SYT14: variants seen among roughly 807,000 people sequenced by gnomAD.
SYT14 encodes the protein synaptotagmin 14.
Under a neutral mutation model 74.2 loss-of-function variants are expected in SYT14, and 32 were observed. The ratio of observed to expected loss-of-function variants is 0.43; its 90% CI spans 0.33 to 0.58. SYT14 has a LOEUF of 0.58. Among genes scored for constraint, SYT14 ranks in the 20% least tolerant of loss-of-function variants. The pLI, the probability that SYT14 is intolerant of heterozygous loss-of-function variation, is 0.05. For missense variants in SYT14, 791 were observed against 981.8 expected (o/e 0.81, Z 2.60); for synonymous variants, 298 against 337.7 (o/e 0.88, Z 1.29).
chr1:210,086,253 G>T (rs1033058455), intron 5 of SYT14, among the ~76,000 whole-genome samples: 18 of 152,140 alleles, frequency 1.2e-4, no homozygotes, highest in Middle Eastern at 3.4e-3. Context: ...TATCTACCAG[G>T]TTTCTCCACT....
intron 5 of SYT14, among the ~76,000 whole-genome samples, chr1:210,055,872 T>A (rs1379482478): frequency 6.6e-6 from 1 of 152,160 alleles, no homozygotes; most frequent in African/African-American, 2.4e-5. Flanking sequence ...AAGTGAGTTC[T>A]CAGTTACCAT....
chr1:210,070,803 T>C (rs1379785019), intron 5 of SYT14, among the ~76,000 whole-genome samples: 1 of 152,076 alleles, frequency 6.6e-6, no homozygotes, highest in Non-Finnish European at 1.5e-5. Flanking sequence ...CAAACCACTC[T>C]TAACAGAACA....
At chr1:209,999,165 C>T (rs1000096424) in intron 2 of SYT14, among the ~76,000 whole-genome samples, 1 of 151,988 alleles carries the variant, frequency 6.6e-6, no homozygotes, top group African/African-American at 2.4e-5. Flanking sequence ...TTTCATATCA[C>T]TGATCATCAG....
At chr1:210,145,173 T>C (rs1407474261) in intron 7 of SYT14, among the ~76,000 whole-genome samples, 1 of 152,196 alleles carries the variant, frequency 6.6e-6, no homozygotes, top group Non-Finnish European at 1.5e-5. Flanking sequence ...TAAGTCTATG[T>C]TTTGCTACAG....
chr1:210,132,855 T>C (rs1449932895), intron 7 of SYT14, among the ~76,000 whole-genome samples: 2 of 152,138 alleles, frequency 1.3e-5, no homozygotes, highest in African/African-American at 2.4e-5. Context: ...ATCCGACCAT[T>C]GTGAATCTTC....
At chr1:210,074,675 G>A (rs1204751564) in intron 5 of SYT14, among the ~76,000 whole-genome samples, 1 of 152,136 alleles carries the variant, frequency 6.6e-6, no homozygotes, top group Non-Finnish European at 1.5e-5. Flanking sequence ...CTCCATAATA[G>A]TGAAATGGGA....
At chr1:210,095,434 TG>T (rs1285050462) in intron 6 of SYT14, among the ~76,000 whole-genome samples, 1 of 152,188 alleles carries the variant, frequency 6.6e-6, no homozygotes, top group Non-Finnish European at 1.5e-5. Context: ...TTAATTTTTT[TG>T]TAGAGACAGG....
rs1000938830 is a variant in SYT14 at position 210,146,643 on chromosome 1, G to A, written c.2035-9078G>A. On this transcript the variant is annotated intron_variant, in intron 7 of 9. Transcript: ENST00000637265. ...AAATTTTCAGAAATGTGATAGACTA[G>A]TAAGAAATCAAGGAAGTATGTATAT... Among the ~76,000 whole-genome samples the A allele has an allele frequency of 4.0e-5, 6 of 151,516 alleles. No individual in the cohort carries two copies. The South Asian group carries it at 6.2e-4, about 16-fold the overall frequency.
At chr1:209,981,450 C>CTTTTTT (rs1183885685) in intron 2 of SYT14, among the ~76,000 whole-genome samples, 3,261 of 98,756 alleles carry the variant, frequency 0.033, 5 homozygotes, top group Non-Finnish European at 0.045. Flanking sequence ...TTTTTCTTTT[C>CTTTTTT]TTTTTTTTTT....
At chr1:210,033,959 A>G (rs2080597249) in intron 5 of SYT14, among the ~76,000 whole-genome samples, 1 of 151,850 alleles carries the variant, frequency 6.6e-6, no homozygotes, top group Non-Finnish European at 1.5e-5. Context: ...CAGCTTTTTA[A>G]AGATGATGGA....
intron 5 of SYT14, among the ~76,000 whole-genome samples, chr1:210,033,292 T>C: frequency 6.6e-6 from 1 of 151,872 alleles, no homozygotes; most frequent in Non-Finnish European, 1.5e-5. Flanking sequence ...TCTGGCTTCA[T>C]TCATGTTAAA....
In SYT14 at chr1:209,971,702, T is replaced by C. The variant is rs1041581800; in HGVS notation, c.-486+18946T>C. Among the ~76,000 whole-genome samples, 3 of 152,368 alleles carry C rather than the reference T, an allele frequency of 2.0e-5. No homozygotes were observed. The East Asian group carries it at 5.8e-4, about 29-fold the overall frequency. ...TGAATCACATTTATTGATTTATGTA[T>C]GTTGGGCCAACCTTGCATCCCAGGA... is the stretch of plus-strand genomic sequence containing the variant. On this transcript the variant is annotated intron_variant, in intron 2 of 9. Transcript: ENST00000637265.
chr1:209,954,228 C>A (rs1240143933), intron 2 of SYT14, among the ~76,000 whole-genome samples: 6 of 151,922 alleles, frequency 3.9e-5, no homozygotes, highest in Non-Finnish European at 8.8e-5. Flanking sequence ...TTTGTGGCTA[C>A]AAAGGGAGCA....
At chr1:209,946,910 G>C (rs1420173549) in intron 1 of SYT14, among the ~76,000 whole-genome samples, 1 of 152,208 alleles carries the variant, frequency 6.6e-6, no homozygotes, top group East Asian at 1.9e-4. Flanking sequence ...AGTGCCCATT[G>C]ACGATTCTGA....
exon 10 of SYT14, chr1:210,163,010 A>T (rs929913211): frequency 2.2e-6 from 1 of 453,616 alleles, no homozygotes. Flanking sequence ...CAGCAACAGT[A>T]TGAAAAAAGA....
intron 7 of SYT14, among the ~76,000 whole-genome samples, chr1:210,139,831 TTAA>T (rs905421828): frequency 1.3e-5 from 2 of 152,226 alleles, no homozygotes; most frequent in Non-Finnish European, 2.9e-5. Context: ...TTTTGGGGAC[TTAA>T]TAATATTCTT....
intron 5 of SYT14, among the ~76,000 whole-genome samples, chr1:210,043,912 G>T (rs1392989205): frequency 1.3e-5 from 2 of 152,084 alleles, no homozygotes; most frequent in East Asian, 3.9e-4. Flanking sequence ...GACTATTCCA[G>T]ATTTTTTATT....
chr1:209,967,987 T>TA (rs1466809692), intron 2 of SYT14, among the ~76,000 whole-genome samples: 4 of 152,136 alleles, frequency 2.6e-5, no homozygotes, highest in Admixed American at 2.6e-4. Flanking sequence ...CTAAATTTTT[T>TA]AAAAAAATCA....
intron 5 of SYT14, among the ~76,000 whole-genome samples, chr1:210,064,488 G>T (rs538415837): frequency 9.2e-5 from 14 of 151,998 alleles, no homozygotes; most frequent in African/African-American, 2.7e-4. Flanking sequence ...GAATTTATAT[G>T]TTACAAATAA....
Sources: gnomAD v4.1 joint callset for allele counts (sites outside exome capture counted in the v4.1 genomes callset) on GRCh38, gnomAD v4.1.1 for gene constraint, MANE v1.5 for transcripts, NCBI Gene and HGNC (gene_info 2026-07-23, HGNC 2026-07-21) for gene names.